SLC39A11: variants seen among roughly 807,000 people sequenced by gnomAD.
SLC39A11 encodes solute carrier family 39 member 11.
Under a neutral mutation model 36.1 loss-of-function variants are expected in SLC39A11, and 33 were observed. The ratio of observed to expected loss-of-function variants is 0.91; its 90% confidence interval spans 0.69 to 1.22. The LOEUF (loss-of-function observed/expected upper bound fraction) is 1.22. Among genes scored for constraint, SLC39A11 ranks in the 50% most tolerant of loss-of-function variants. The probability of loss-of-function intolerance (pLI) is 0.00; values close to 1 mark genes in which losing one functional copy is unlikely to be tolerated. For synonymous variants in SLC39A11, 166 were observed against 170.3 expected (o/e 0.97, Z 0.20); for missense variants, 432 against 430.3 (o/e 1.00, Z -0.03).
At chr17:72,977,100 A>C (rs1245181218) in intron 4 of SLC39A11, among the ~76,000 whole-genome samples, 2 of 152,152 alleles carry the variant, frequency 1.3e-5, no homozygotes, top group African/African-American at 4.8e-5. Context: ...GGAGCCCTGA[A>C]AAGCAGAAAG....
intron 6 of SLC39A11, among the ~76,000 whole-genome samples, chr17:72,740,836 G>A (rs568874657): frequency 1.7e-4 from 26 of 152,022 alleles, no homozygotes; most frequent in African/African-American, 4.6e-4. Flanking sequence ...GTGCAATGGC[G>A]CAATCTTGGC....
intron 6 of SLC39A11, among the ~76,000 whole-genome samples, chr17:72,825,597 G>T (rs1220998630): frequency 6.6e-6 from 1 of 152,148 alleles, no homozygotes; most frequent in Non-Finnish European, 1.5e-5. Flanking sequence ...CATGTGCCTG[G>T]AAAAGCCATA....
chr17:73,035,140 T>C (rs1466113393), intron 3 of SLC39A11, among the ~76,000 whole-genome samples: 1 of 142,716 alleles, frequency 7.0e-6, no homozygotes, highest in Non-Finnish European at 1.5e-5. Context: ...TTGTTTTTTG[T>C]TTTTGTTTTT....
intron 4 of SLC39A11, among the ~76,000 whole-genome samples, chr17:72,984,503 G>A (rs1263023465): frequency 6.6e-6 from 1 of 152,206 alleles, no homozygotes; most frequent in African/African-American, 2.4e-5. Flanking sequence ...AGGAGTTCGA[G>A]TTTTATTCAG....
At chr17:72,879,011 A>G (rs1393055195) in intron 5 of SLC39A11, among the ~76,000 whole-genome samples, 1 of 152,232 alleles carries the variant, frequency 6.6e-6, no homozygotes, top group African/African-American at 2.4e-5. Context: ...TATGTTCACC[A>G]TTTATTACAA....
At chr17:72,719,685 A>T (rs1296432499) in intron 7 of SLC39A11, among the ~76,000 whole-genome samples, 4 of 152,150 alleles carry the variant, frequency 2.6e-5, no homozygotes, top group Non-Finnish European at 4.4e-5. Flanking sequence ...CCACACTGCC[A>T]TTTTCAGAGA....
intron 5 of SLC39A11, among the ~76,000 whole-genome samples, chr17:72,861,460 C>T (rs1414207421): frequency 6.6e-6 from 1 of 151,652 alleles, no homozygotes; most frequent in Non-Finnish European, 1.5e-5. Context: ...AACACTGACA[C>T]AAGTTTGCAC....
At chr17:72,892,013 G>A (rs2081770868) in intron 5 of SLC39A11, among the ~76,000 whole-genome samples, 1 of 148,936 alleles carries the variant, frequency 6.7e-6, no homozygotes, top group Admixed American at 6.8e-5. Context: ...ATACTATGAA[G>A]AGCCAAGGTA....
chr17:72,705,678 T>G (rs2072861134), intron 7 of SLC39A11, among the ~76,000 whole-genome samples: 1 of 152,194 alleles, frequency 6.6e-6, no homozygotes. Flanking sequence ...TGAAGGTCCC[T>G]GCTCTTACAT....
intron 6 of SLC39A11, among the ~76,000 whole-genome samples, chr17:72,740,193 G>T (rs1435690457): frequency 1.3e-5 from 2 of 150,402 alleles, no homozygotes; most frequent in Admixed American, 1.3e-4. Flanking sequence ...CTCCCGAGTG[G>T]CTGGGACTAC....
At chr17:72,882,739 G>T (rs1479328521) in intron 5 of SLC39A11, among the ~76,000 whole-genome samples, 1 of 151,358 alleles carries the variant, frequency 6.6e-6, no homozygotes, top group Non-Finnish European at 1.5e-5. Flanking sequence ...AGCAGTATTG[G>T]GTCAACTGCT....
intron 5 of SLC39A11, among the ~76,000 whole-genome samples, chr17:72,855,778 T>A (rs2079609621): frequency 6.6e-6 from 1 of 151,968 alleles, no homozygotes; most frequent in Admixed American, 6.6e-5. Context: ...GCACCTGTAG[T>A]CCTAGCTACT....
chr17:72,791,888 C>A lies in SLC39A11; in HGVS notation c.602-55169G>T, dbSNP rs554931245. ...GATTGTAAGTTTCCTGAGGCCTCCC[C>A]AACCCTGCAGATCTGTGAGTCAGTT... is the stretch of plus-strand genomic sequence containing the variant. On this transcript the variant is annotated intron_variant, in intron 6 of 9. Coordinates refer to ENST00000255559, the MANE Select transcript of SLC39A11 (RefSeq NM_139177.4). Among the ~76,000 whole-genome samples the A allele has an allele frequency of 9.2e-5, 14 of 152,326 alleles. 1 individual carries two copies. The South Asian group carries it at 2.9e-3, about 32-fold the overall frequency.
At chr17:73,004,224 AAAGAAAGAAAAG>A (rs1246656270) in intron 4 of SLC39A11, among the ~76,000 whole-genome samples, 1 of 79,000 alleles carries the variant, frequency 1.3e-5, no homozygotes, top group East Asian at 6.1e-4. Flanking sequence ...AGAAAGAAAG[AAAGAAAGAAAAG>A]AAAGAAAGAG....
chr17:72,999,659 C>T (rs2089707303), intron 4 of SLC39A11, among the ~76,000 whole-genome samples: 1 of 152,200 alleles, frequency 6.6e-6, no homozygotes, highest in Non-Finnish European at 1.5e-5. Context: ...GGCAACAGGT[C>T]CATTTCCTGC....
intron 7 of SLC39A11, among the ~76,000 whole-genome samples, chr17:72,678,556 T>C (rs1324656382): frequency 6.6e-6 from 1 of 152,002 alleles, no homozygotes; most frequent in Non-Finnish European, 1.5e-5. Context: ...AATACAAAAA[T>C]TAGCCCGGCA....
At chr17:73,038,238 A>C (rs2058988302) in intron 3 of SLC39A11, among the ~76,000 whole-genome samples, 2 of 152,098 alleles carry the variant, frequency 1.3e-5, no homozygotes, top group African/African-American at 4.8e-5. Flanking sequence ...ACAAACAAAC[A>C]AACCAACAAA....
At chr17:72,686,031 T>TA (rs563539019) in intron 7 of SLC39A11, among the ~76,000 whole-genome samples, 14,413 of 145,058 alleles carry the variant, frequency 0.099, 1,529 homozygotes, top group African/African-American at 0.27. Context: ...GACTCTGTCT[T>TA]AAAAAAAAAA....
intron 7 of SLC39A11, among the ~76,000 whole-genome samples, chr17:72,666,083 A>G (rs1057403263): frequency 7.2e-5 from 11 of 152,134 alleles, no homozygotes; most frequent in Non-Finnish European, 1.5e-4. Context: ...GCATGTCACA[A>G]TTCTCTGGGC....
Sources: allele counts gnomAD v4.1 joint callset (sites outside exome capture counted in the v4.1 genomes callset), GRCh38; gene constraint gnomAD v4.1.1; transcripts MANE v1.5; gene names NCBI Gene and HGNC (gene_info 2026-07-23, HGNC 2026-07-21).